LRRTM4: variants seen among roughly 807,000 people sequenced by gnomAD.
LRRTM4 encodes the protein leucine rich repeat transmembrane neuronal 4, also known as leucine-rich repeat transmembrane neuronal protein 4.
A neutral mutation model predicts 47.6 loss-of-function variants in LRRTM4; 25 were observed. The ratio of observed to expected loss-of-function variants is 0.53; its 90% CI spans 0.38 to 0.73. LRRTM4 has a LOEUF of 0.73. LRRTM4 is among the 30% of genes least tolerant of loss of function. LRRTM4 has a pLI of 0.00. For missense variants in LRRTM4, 638 were observed against 713.4 expected (o/e 0.89, Z 1.20); for synonymous variants, 311 against 269.5 (o/e 1.15, Z -1.51).
chr2:77,518,066 G>A, intron 3 of LRRTM4: 2 of 1,226,948 alleles, frequency 1.6e-6, no homozygotes, highest in African/African-American at 1.6e-5. Context: ...AAAAGCAGAT[G>A]TTTTAACATA....
chr2:76,880,838 T>C (rs111878489), intron 3 of LRRTM4, among the ~76,000 whole-genome samples: 10 of 152,140 alleles, frequency 6.6e-5, no homozygotes, highest in Non-Finnish European at 1.3e-4. Flanking sequence ...AAGAATCCAA[T>C]TGGTATTTGA....
At chr2:76,904,195 A>G (rs1355463931) in intron 3 of LRRTM4, among the ~76,000 whole-genome samples, 1 of 152,240 alleles carries the variant, frequency 6.6e-6, no homozygotes, top group East Asian at 1.9e-4. Context: ...CTGCTCTATT[A>G]CAATTGTCCT....
intron 3 of LRRTM4, among the ~76,000 whole-genome samples, chr2:77,048,277 A>G (rs748890252): frequency 6.6e-6 from 1 of 152,058 alleles, no homozygotes; most frequent in Non-Finnish European, 1.5e-5. Flanking sequence ...CAGCTGAAGT[A>G]TTGGCGTGAG....
intron 3 of LRRTM4, among the ~76,000 whole-genome samples, chr2:77,345,384 T>A (rs1216453559): frequency 6.6e-6 from 1 of 151,812 alleles, no homozygotes; most frequent in African/African-American, 2.4e-5. Flanking sequence ...GGAAAAAATA[T>A]TTTCAAATCA....
intron 3 of LRRTM4, among the ~76,000 whole-genome samples, chr2:77,170,938 T>TTATGTA (rs372761599): frequency 0.052 from 5,158 of 98,880 alleles, 151 homozygotes; most frequent in African/African-American, 0.15. Context: ...AAAGCTATAT[T>TTATGTA]TATGTATTAT....
chr2:77,363,773 A>G (rs1672329842), intron 3 of LRRTM4, among the ~76,000 whole-genome samples: 1 of 152,222 alleles, frequency 6.6e-6, no homozygotes, highest in South Asian at 2.1e-4. Flanking sequence ...CTAACTAAAC[A>G]CAGATTATGT....
At chr2:77,063,174 G>A (rs1023493775) in intron 3 of LRRTM4, among the ~76,000 whole-genome samples, 1 of 151,932 alleles carries the variant, frequency 6.6e-6, no homozygotes, top group African/African-American at 2.4e-5. Flanking sequence ...TGGCCAGGCT[G>A]GTCTCGAACG....
chr2:77,490,001 G>A (rs1250097157), intron 3 of LRRTM4, among the ~76,000 whole-genome samples: 8 of 152,168 alleles, frequency 5.3e-5, no homozygotes, highest in Admixed American at 4.6e-4. Context: ...TGTAATCCCA[G>A]CACTTTGGGA....
intron 3 of LRRTM4, among the ~76,000 whole-genome samples, chr2:77,064,121 A>C (rs1403815247): frequency 6.6e-6 from 1 of 152,152 alleles, no homozygotes; most frequent in Admixed American, 6.5e-5. Flanking sequence ...ATTTAAAAGA[A>C]ATTTATTGGG....
At chr2:76,775,448 G>T (rs374241684) in intron 3 of LRRTM4, among the ~76,000 whole-genome samples, 1 of 152,204 alleles carries the variant, frequency 6.6e-6, no homozygotes, top group East Asian at 1.9e-4. Context: ...GCAGCCAGGG[G>T]CATTGTTCAA....
intron 3 of LRRTM4, among the ~76,000 whole-genome samples, chr2:76,883,493 T>C (rs1043491412): frequency 3.3e-5 from 5 of 152,154 alleles, no homozygotes; most frequent in Non-Finnish European, 5.9e-5. Context: ...GACCATCCTA[T>C]GGTTTGAGAA....
At chr2:76,789,802 C>T (rs1318058419) in intron 3 of LRRTM4, among the ~76,000 whole-genome samples, 1 of 152,114 alleles carries the variant, frequency 6.6e-6, no homozygotes. Flanking sequence ...ATGGTGTCTT[C>T]CCATTTTATT....
chr2:77,367,789 A>G (rs1228751285), intron 3 of LRRTM4, among the ~76,000 whole-genome samples: 2 of 151,858 alleles, frequency 1.3e-5, no homozygotes, highest in Non-Finnish European at 2.9e-5. Flanking sequence ...CATCCATTCA[A>G]TCATTTATAG....
chr2:76,922,699 G>A (rs1674470373), intron 3 of LRRTM4, among the ~76,000 whole-genome samples: 2 of 152,058 alleles, frequency 1.3e-5, no homozygotes, highest in South Asian at 4.1e-4. Context: ...AGGCCTAAAT[G>A]TACAGCATGG....
rs1674201227 is a variant in LRRTM4 at position 77,406,683 on chromosome 2, A to G, written c.1551+111635T>C. On this transcript the variant is annotated intron_variant, in intron 3 of 3. Transcript: ENST00000409884. ...TAACAGTAATATAGGTGTTACTATT[A>G]TCATTGATAGTCACACACAACTTTG... Among the ~76,000 whole-genome samples, 3 of 152,164 alleles carry G rather than the reference A, an allele frequency of 2.0e-5. No individual in the cohort carries two copies. The South Asian group carries it at 6.2e-4, about 31-fold the overall frequency.
intron 3 of LRRTM4, among the ~76,000 whole-genome samples, chr2:76,949,672 T>C (rs923853188): frequency 1.5e-4 from 23 of 151,962 alleles, no homozygotes; most frequent in Admixed American, 2.6e-4. Flanking sequence ...TTCCTCTGTG[T>C]TTCAATTAAT....
intron 3 of LRRTM4, among the ~76,000 whole-genome samples, chr2:76,827,907 C>A (rs924598555): frequency 3.0e-4 from 45 of 151,920 alleles, no homozygotes; most frequent in Admixed American, 2.9e-3. Context: ...TTTCTAAAAA[C>A]CATTGTCTGG....
intron 3 of LRRTM4, among the ~76,000 whole-genome samples, chr2:77,491,600 T>C (rs1678164672): frequency 6.6e-6 from 1 of 151,166 alleles, no homozygotes; most frequent in Non-Finnish European, 1.5e-5. Context: ...TCTTCATCAA[T>C]CCACAAAATA....
chr2:77,071,399 G>T (rs1216270575), intron 3 of LRRTM4, among the ~76,000 whole-genome samples: 1 of 152,056 alleles, frequency 6.6e-6, no homozygotes, highest in East Asian at 1.9e-4. Flanking sequence ...TAAATACAAT[G>T]AAAATTGAAA....
Sources: gnomAD v4.1 joint callset for allele counts (sites outside exome capture counted in the v4.1 genomes callset) on GRCh38, gnomAD v4.1.1 for gene constraint, MANE v1.5 for transcripts, NCBI Gene and HGNC (gene_info 2026-07-23, HGNC 2026-07-21) for gene names.